The following MAP3K21 variants were observed in gnomAD, a reference collection of about 807,000 sequenced individuals.
MAP3K21 encodes the protein mitogen-activated protein kinase kinase kinase MLK4.
Under a neutral mutation model 86.1 loss-of-function variants are expected in MAP3K21, and 63 were observed. That is an observed-to-expected ratio of 0.73 (90% CI 0.60 to 0.90). The LOEUF (loss-of-function observed/expected upper bound fraction) is 0.90. Among genes scored for constraint, MAP3K21 ranks in the 40% least tolerant of loss-of-function variants. The pLI is 0.00. For missense variants in MAP3K21, 1,220 were observed against 1,367.7 expected (o/e 0.89, Z 1.70); for synonymous variants, 558 against 564.8 (o/e 0.99, Z 0.17).
At chr1:233,378,108 T>C (rs1349963161) in intron 8 of MAP3K21, among the ~76,000 whole-genome samples, 1 of 152,228 alleles carries the variant, frequency 6.6e-6, no homozygotes, top group Non-Finnish European at 1.5e-5. Flanking sequence ...GGCCTGGGGT[T>C]CAGGGACCCC....
At chr1:233,357,449 G>C (rs948883102) in intron 4 of MAP3K21, among the ~76,000 whole-genome samples, 2 of 151,812 alleles carry the variant, frequency 1.3e-5, no homozygotes, top group Non-Finnish European at 1.5e-5. Flanking sequence ...AAATAAAGTA[G>C]ACATACAGGT....
intron 8 of MAP3K21, among the ~76,000 whole-genome samples, chr1:233,377,972 C>T (rs376475297): frequency 2.0e-5 from 3 of 152,110 alleles, no homozygotes; most frequent in Non-Finnish European, 4.4e-5. Context: ...TGACACAGGG[C>T]GGAGCTCAGG....
In MAP3K21 at chr1:233,331,588, G is replaced by A. The variant is rs116739640; in HGVS notation, c.805+2755G>A. ...ATGGTGGTAGTGAGTTAGTGATAAC[G>A]TAAACAAGGTTTTAAAAATCAATAT... is the stretch of plus-strand genomic sequence containing the variant. On this transcript the variant is annotated intron_variant, in intron 1 of 9. Coordinates refer to ENST00000366624, the MANE Select transcript of MAP3K21 (RefSeq NM_032435.3). Among the ~76,000 whole-genome samples the A allele has an allele frequency of 6.8e-3, 1,042 of 152,250 alleles. 14 individuals are homozygous for A. Among genetic ancestry groups the A allele is most frequent in the Non-Finnish European group, 7.6e-3 (515 of 68,026 alleles).
chr1:233,381,993 G>C (rs1211809983), intron 9 of MAP3K21, among the ~76,000 whole-genome samples: 2 of 152,096 alleles, frequency 1.3e-5, no homozygotes, highest in African/African-American at 4.8e-5. Flanking sequence ...GGATTATTTA[G>C]CTCTGTTTAC....
chr1:233,369,458 G>C (rs1397190921), intron 5 of MAP3K21, among the ~76,000 whole-genome samples: 1 of 152,080 alleles, frequency 6.6e-6, no homozygotes, highest in African/African-American at 2.4e-5. Flanking sequence ...GATGAAGAAA[G>C]AGAATAGGCT....
intron 4 of MAP3K21, among the ~76,000 whole-genome samples, chr1:233,358,062 T>C (rs1439729627): frequency 1.3e-5 from 2 of 151,586 alleles, no homozygotes; most frequent in Non-Finnish European, 2.9e-5. Context: ...CTGATGGGTT[T>C]TTTTTTTTTT....
intron 4 of MAP3K21, among the ~76,000 whole-genome samples, chr1:233,356,785 T>C (rs1453038989): frequency 1.3e-5 from 2 of 152,230 alleles, no homozygotes; most frequent in East Asian, 3.8e-4. Context: ...ATGTTGTGGA[T>C]AGGCTCTTGG....
chr1:233,332,196 C>T (rs565686506), intron 1 of MAP3K21, among the ~76,000 whole-genome samples: 1 of 152,264 alleles, frequency 6.6e-6, no homozygotes, highest in South Asian at 2.1e-4. Flanking sequence ...GACAACAAAT[C>T]TGCCATCATA....
Position 233,328,751 on chromosome 1 carries a change from C to G in MAP3K21, c.723C>G (p.Ala241=), listed in dbSNP as rs771269857. Residue 241 remains alanine (A), a synonymous_variant, in exon 1 of 10, where the codon GCC becomes GCG. Coordinates refer to ENST00000366624, the MANE Select transcript of MAP3K21 (RefSeq NM_032435.3). This position sits in a 1 kb window ranked among gnomAD's most constrained non-coding sequence, Gnocchi z 8.7. ...CTCCGCACGTGCTGGTCAACTGGGC[C>G]GTGCAGATAGCGCGGGGCATGCTCT... The part of the protein sequence containing the change: ...RIPPHVLVNW[A]VQIARGMLYL... The G allele has an allele frequency of 2.0e-6, 3 of 1,523,598 alleles. No individual in the cohort carries two copies. The highest frequency in any genetic ancestry group is 1.2e-5 in the South Asian group (1 of 82,452). 94.4% of individuals were successfully genotyped at this position (1,523,598 alleles called of 1,614,324 possible).
chr1:233,339,345 CTTCTCCCT>C, intron 1 of MAP3K21, among the ~76,000 whole-genome samples: 1 of 111,904 alleles, frequency 8.9e-6, no homozygotes, highest in African/African-American at 3.5e-5. Context: ...TCTTCTCCCT[CTTCTCCCT>C]CTTCTCCTTC....
In MAP3K21 at chr1:233,339,388, TTCTCC is replaced by T. The variant is rs1662990225; in HGVS notation, c.806-7051_806-7047del. Reference sequence around the variant, plus strand: ...CTCCTCCTTCTCCTTCTTCTCCTTCTTCTCCTCCTTCTCCTCCTCCTCCTCCTCCT... The same window carrying T: ...CTCCTCCTTCTCCTTCTTCTCCTTCTTCCTTCTCCTCCTCCTCCTCCTCCT... On this transcript the variant is annotated intron_variant, in intron 1 of 9. Coordinates refer to ENST00000366624, the MANE Select transcript of MAP3K21 (RefSeq NM_032435.3). 7.2e-5 allele frequency among the ~76,000 whole-genome samples: 7 copies of T among 96,572 alleles called. 1 individual carries two copies. Among genetic ancestry groups the T allele is most frequent in the Non-Finnish European group, 1.4e-4 (7 of 50,396 alleles). The allele number at this position is 96,572 out of a possible 152,430, so 63.4% of individuals were successfully genotyped here.
chr1:233,373,339 CTG>C (rs1303762331), intron 6 of MAP3K21: 1 of 152,344 alleles, frequency 6.6e-6, no homozygotes, highest in African/African-American at 2.4e-5. Flanking sequence ...GCCCTCTTTC[CTG>C]TGTCTTCACC....
intron 1 of MAP3K21, among the ~76,000 whole-genome samples, chr1:233,342,657 C>T (rs1464050070): frequency 2.0e-5 from 3 of 152,152 alleles, no homozygotes; most frequent in Non-Finnish European, 4.4e-5. Flanking sequence ...AAGATAAAAT[C>T]ATTCACAATT....
intron 8 of MAP3K21, among the ~76,000 whole-genome samples, chr1:233,378,593 T>C (rs1176773449): frequency 6.6e-6 from 1 of 152,204 alleles, no homozygotes; most frequent in African/African-American, 2.4e-5. Context: ...GTGACATATT[T>C]AGTGATTTTG....
chr1:233,346,755 A>G (rs1663149284), intron 2 of MAP3K21, 133 bp downstream of exon 2: 1 of 755,970 alleles, frequency 1.3e-6, no homozygotes, highest in Non-Finnish European at 2.2e-6. Flanking sequence ...GTTTTGATCA[A>G]AATAATTGTA....
chr1:233,367,288 C>A (rs1340696688), intron 5 of MAP3K21, among the ~76,000 whole-genome samples: 1 of 152,188 alleles, frequency 6.6e-6, no homozygotes, highest in Non-Finnish European at 1.5e-5. Context: ...AGAATACATT[C>A]CTTTTCATCT....
intron 1 of MAP3K21, among the ~76,000 whole-genome samples, chr1:233,339,473 T>TCCTTCTCCTCCTCCTTCTCCTCCTC (rs1662994847): frequency 4.3e-5 from 1 of 23,376 alleles, no homozygotes; most frequent in Non-Finnish European, 7.8e-5. Context: ...TCCTTCTCCT[T>TCCTTCTCCTCCTCCTTCTCCTCCTC]CTTCTTCTTC....
At chr1:233,348,597 T>C (rs1331733240) in intron 2 of MAP3K21, among the ~76,000 whole-genome samples, 1 of 152,212 alleles carries the variant, frequency 6.6e-6, no homozygotes, top group African/African-American at 2.4e-5. Flanking sequence ...GCACCTTCTT[T>C]TTTTTTATTC....
chr1:233,372,014 GT>G, intron 5 of MAP3K21, 23 bp from the exon 6 acceptor site: 1 of 1,605,226 alleles, frequency 6.2e-7, no homozygotes, highest in Non-Finnish European at 8.5e-7. Context: ...TGAAATACCA[GT>G]TCTCCCTTTT....
Sources: gnomAD v4.1 joint callset for allele counts (sites outside exome capture counted in the v4.1 genomes callset) on GRCh38, gnomAD v4.1.1 for gene constraint, Gnocchi (gnomAD v3.1) non-coding constraint, MANE v1.5 for transcripts, NCBI Gene and HGNC (gene_info 2026-07-23, HGNC 2026-07-21) for gene names.